NRXN1: variants seen among roughly 807,000 people sequenced by gnomAD.
The protein encoded by NRXN1 is neurexin-1.
In NRXN1, 39 loss-of-function variants were observed where a neutral mutation model predicts 150.9. The observed-to-expected ratio is 0.26, with a 90% confidence interval of 0.20 to 0.34. The LOEUF (loss-of-function observed/expected upper bound fraction) is 0.34. Among genes scored for constraint, NRXN1 ranks in the 10% least tolerant of loss-of-function variants. The pLI, the probability that NRXN1 is intolerant of heterozygous loss-of-function variation, is 1.00. For synonymous variants in NRXN1, 924 were observed against 757.0 expected, an observed-to-expected ratio of 1.22 and a Z score of -3.62; for missense variants, 1,815 against 1,949.9, an observed-to-expected ratio of 0.93 and a Z score of 1.30.
At chr2:50,488,749 G>C (rs2091049991) in intron 15 of NRXN1, among the ~76,000 whole-genome samples, 1 of 152,212 alleles carries the variant, frequency 6.6e-6, no homozygotes, top group Non-Finnish European at 1.5e-5. Flanking sequence ...AGGTCTGAGA[G>C]CTAGGAAAAC....
At chr2:50,375,061 AT>A (rs1445195649) in intron 17 of NRXN1, among the ~76,000 whole-genome samples, 1 of 152,126 alleles carries the variant, frequency 6.6e-6, no homozygotes, top group African/African-American at 2.4e-5. Context: ...GGGCATAAAA[AT>A]TTGTTTATAT....
At chr2:51,018,728 A>G (rs1246800211) in intron 2 of NRXN1, among the ~76,000 whole-genome samples, 1 of 152,142 alleles carries the variant, frequency 6.6e-6, no homozygotes, top group Non-Finnish European at 1.5e-5. Context: ...ACAGAGGTTG[A>G]TATTTTCAAT....
At chr2:50,021,720 T>C (rs933522710) in intron 21 of NRXN1, among the ~76,000 whole-genome samples, 13 of 152,310 alleles carry the variant, frequency 8.5e-5, no homozygotes, top group African/African-American at 3.1e-4. Flanking sequence ...GAAAAATTTT[T>C]AAAAATGTAA....
chr2:49,949,491 A>T (rs1184005762), intron 21 of NRXN1, among the ~76,000 whole-genome samples: 1 of 151,974 alleles, frequency 6.6e-6, no homozygotes, highest in Non-Finnish European at 1.5e-5. Context: ...GCTTTCCTGA[A>T]GACTAATATA....
chr2:50,159,306 T>A (rs2059221967), intron 18 of NRXN1, among the ~76,000 whole-genome samples: 1 of 152,108 alleles, frequency 6.6e-6, no homozygotes, highest in Admixed American at 6.6e-5. Flanking sequence ...TATTTTGAAG[T>A]TTCAAAGCAT....
At chr2:50,822,480 T>C (rs1669878895) in intron 5 of NRXN1, among the ~76,000 whole-genome samples, 1 of 152,104 alleles carries the variant, frequency 6.6e-6, no homozygotes, top group Non-Finnish European at 1.5e-5. Flanking sequence ...ATTCCACTCT[T>C]GAGAGATCTC....
At chr2:50,579,151 G>C (rs977773147) in intron 8 of NRXN1, among the ~76,000 whole-genome samples, 3 of 152,136 alleles carry the variant, frequency 2.0e-5, no homozygotes, top group African/African-American at 7.2e-5. Flanking sequence ...GCGAAATGAG[G>C]CGTCTTGTTT....
chr2:50,097,177 T>C (rs1034422699), intron 18 of NRXN1, among the ~76,000 whole-genome samples: 1 of 152,160 alleles, frequency 6.6e-6, no homozygotes, highest in African/African-American at 2.4e-5. Flanking sequence ...AATAAAAATG[T>C]CTCTCTCTGT....
At chr2:49,983,408 T>C (rs1236201257) in intron 21 of NRXN1, among the ~76,000 whole-genome samples, 5 of 152,188 alleles carry the variant, frequency 3.3e-5, no homozygotes, top group Non-Finnish European at 7.3e-5. Context: ...ATGCTTTCTT[T>C]CCTTAAGTCT....
chr2:50,047,644 C>A (rs1306268736), intron 21 of NRXN1, among the ~76,000 whole-genome samples: 1 of 151,968 alleles, frequency 6.6e-6, no homozygotes, highest in Non-Finnish European at 1.5e-5. Context: ...TACGCACATC[C>A]ATTCAAAAGA....
chr2:51,022,501 T>C (rs1669771946), intron 2 of NRXN1, among the ~76,000 whole-genome samples: 1 of 152,148 alleles, frequency 6.6e-6, no homozygotes, highest in Non-Finnish European at 1.5e-5. Context: ...CAGTTTTTAT[T>C]ATTACCTCAT....
intron 21 of NRXN1, among the ~76,000 whole-genome samples, chr2:50,051,824 A>G (rs1692759979): frequency 6.6e-6 from 1 of 152,208 alleles, no homozygotes; most frequent in African/African-American, 2.4e-5. Context: ...TATCTGGCAC[A>G]TGTAGACAGT....
At chr2:50,741,419 C>T (rs1414132009) in intron 5 of NRXN1, among the ~76,000 whole-genome samples, 1 of 152,126 alleles carries the variant, frequency 6.6e-6, no homozygotes, top group Non-Finnish European at 1.5e-5. Context: ...CTCTCCTCTG[C>T]CCAAATGCTC....
intron 18 of NRXN1, among the ~76,000 whole-genome samples, chr2:50,219,121 A>G (rs895384523): frequency 6.6e-6 from 1 of 152,036 alleles, no homozygotes; most frequent in Admixed American, 6.6e-5. Context: ...TGTTTTCATT[A>G]TATTCAAACA....
At chr2:50,707,613 G>C (rs554940442) in intron 5 of NRXN1, among the ~76,000 whole-genome samples, 1 of 152,274 alleles carries the variant, frequency 6.6e-6, no homozygotes, top group Non-Finnish European at 1.5e-5. Flanking sequence ...CTGGGAAGCT[G>C]CTAGGGCATT....
At chr2:50,516,801 C>T (rs1334894779) in intron 12 of NRXN1, among the ~76,000 whole-genome samples, 1 of 152,046 alleles carries the variant, frequency 6.6e-6, no homozygotes, top group Non-Finnish European at 1.5e-5. Flanking sequence ...AGGACAGACA[C>T]ATTTCTTTAT....
intron 17 of NRXN1, among the ~76,000 whole-genome samples, chr2:50,308,512 A>T (rs763314354): frequency 2.6e-5 from 4 of 151,294 alleles, no homozygotes; most frequent in African/African-American, 4.9e-5. Flanking sequence ...TTTTTTTTTA[A>T]TTTTTTATTT....
At chr2:49,923,720 G>A (rs1170218642) in intron 22 of NRXN1, among the ~76,000 whole-genome samples, 4 of 147,076 alleles carry the variant, frequency 2.7e-5, no homozygotes, top group African/African-American at 9.8e-5. Flanking sequence ...TTGCCTAAAC[G>A]TGTGTGTGTG....
At chr2:50,170,130 T>C (rs1439399439) in intron 18 of NRXN1, among the ~76,000 whole-genome samples, 2 of 145,710 alleles carry the variant, frequency 1.4e-5, no homozygotes, top group African/African-American at 5.6e-5. Flanking sequence ...TACGTCATAT[T>C]ATAGATAATA....
Sources: allele counts gnomAD v4.1 joint callset (sites outside exome capture counted in the v4.1 genomes callset), GRCh38; gene constraint gnomAD v4.1.1; transcripts MANE v1.5; gene names NCBI Gene and HGNC (gene_info 2026-07-23, HGNC 2026-07-21).